SPIN1: variants seen among roughly 807,000 people sequenced by gnomAD.
SPIN1 encodes spindlin-1.
Under a neutral mutation model 26.0 loss-of-function variants are expected in SPIN1, and 3 were observed. The ratio of observed to expected loss-of-function variants is 0.12; its 90% CI spans 0.05 to 0.30. The LOEUF (loss-of-function observed/expected upper bound fraction) is 0.30. SPIN1 is among the 10% of genes least tolerant of loss of function. The pLI is 1.00. For synonymous variants in SPIN1, 101 were observed against 116.5 expected, an observed-to-expected ratio of 0.87 and a Z score of 0.86; for missense variants, 126 against 333.4, an observed-to-expected ratio of 0.38 and a Z score of 4.84.
At chr9:88,473,862 A>G (rs1401989267) in intron 5 of SPIN1, among the ~76,000 whole-genome samples, 2 of 152,218 alleles carry the variant, frequency 1.3e-5, no homozygotes, top group African/African-American at 4.8e-5. Context: ...AAAATATGGC[A>G]GTATGATGAT....
intron 1 of SPIN1, among the ~76,000 whole-genome samples, chr9:88,402,968 G>GT (rs1827222875): frequency 6.6e-6 from 1 of 152,014 alleles, no homozygotes; most frequent in Non-Finnish European, 1.5e-5. Context: ...ATCTTCTGTT[G>GT]TTTGTGTTTT....
At chr9:88,425,843 C>G (rs919880257) in intron 1 of SPIN1, among the ~76,000 whole-genome samples, 1 of 152,158 alleles carries the variant, frequency 6.6e-6, no homozygotes, top group African/African-American at 2.4e-5. Context: ...AATTCTTTCT[C>G]TTGCCCAAGA....
intron 2 of SPIN1, among the ~76,000 whole-genome samples, chr9:88,445,267 A>G (rs1194434354): frequency 6.6e-6 from 1 of 152,034 alleles, no homozygotes; most frequent in South Asian, 2.1e-4. Flanking sequence ...GACATGCTCC[A>G]GGAATGCTTC....
chr9:88,392,530 G>A (rs554629404), intron 1 of SPIN1, among the ~76,000 whole-genome samples: 2 of 151,990 alleles, frequency 1.3e-5, no homozygotes, highest in African/African-American at 4.8e-5. Flanking sequence ...AGAGGCCATC[G>A]GGGATTTCAA....
intron 1 of SPIN1, among the ~76,000 whole-genome samples, chr9:88,405,735 A>G (rs369165592): frequency 1.3e-5 from 2 of 151,826 alleles, no homozygotes; most frequent in African/African-American, 2.4e-5. Context: ...GACTTTGAAC[A>G]CAGTAGTTTT....
At position 88,462,583 on chromosome 9, in the gene SPIN1, A is replaced by G. The variant is rs889040136; in HGVS notation, c.189A>G (p.Lys63=). The G allele has an allele frequency of 1.2e-6, 2 of 1,614,034 alleles. No homozygotes were observed. The highest frequency in any genetic ancestry group is 1.7e-5 in the Admixed American group (1 of 59,994). The change falls in exon 4 of 6, where the codon AAA becomes AAG. Residue 63 remains lysine, a synonymous_variant. Transcript: ENST00000375859. ...IVGCRIQHGW[K]EGNGPVTQWK... ...GCTGCAGGATTCAGCATGGGTGGAA[A>G]GAGGGGAATGGCCCTGTTACCCAGT...
At chr9:88,436,999 T>G (rs979461208) in intron 2 of SPIN1, among the ~76,000 whole-genome samples, 15 of 151,934 alleles carry the variant, frequency 9.9e-5, no homozygotes, top group African/African-American at 3.4e-4. Flanking sequence ...TCTCCTGACC[T>G]CGTGATCCGC....
At chr9:88,465,207 A>G (rs1828641094) in intron 4 of SPIN1, among the ~76,000 whole-genome samples, 1 of 152,338 alleles carries the variant, frequency 6.6e-6, no homozygotes, top group African/African-American at 2.4e-5. Context: ...TGTACCATGT[A>G]AAATTGTGAA....
At chr9:88,433,833 G>A (rs1276311875) in intron 2 of SPIN1, among the ~76,000 whole-genome samples, 1 of 152,044 alleles carries the variant, frequency 6.6e-6, no homozygotes, top group Non-Finnish European at 1.5e-5. Context: ...GATACGGTAA[G>A]TCCTCACTTA....
intron 3 of SPIN1, among the ~76,000 whole-genome samples, chr9:88,449,768 C>G (rs1427171565): frequency 6.6e-6 from 1 of 152,168 alleles, no homozygotes; most frequent in African/African-American, 2.4e-5. Flanking sequence ...TTGTGAGACT[C>G]TTCTTAGTCA....
intron 1 of SPIN1, among the ~76,000 whole-genome samples, chr9:88,406,042 T>TAC (rs1827302898): frequency 6.9e-6 from 1 of 145,890 alleles, no homozygotes; most frequent in African/African-American, 2.5e-5. Flanking sequence ...TGTGTGTGTG[T>TAC]ACGTGTACGT....
At chr9:88,413,363 T>C (rs1012919049) in intron 1 of SPIN1, among the ~76,000 whole-genome samples, 2 of 151,180 alleles carry the variant, frequency 1.3e-5, no homozygotes, top group African/African-American at 4.9e-5. Flanking sequence ...TGTGAGCCAC[T>C]TCCCTGGCCA....
intron 2 of SPIN1, among the ~76,000 whole-genome samples, chr9:88,437,654 T>C (rs1387762735): frequency 6.6e-6 from 1 of 152,218 alleles, no homozygotes; most frequent in Non-Finnish European, 1.5e-5. Flanking sequence ...TTGCAAGAAA[T>C]TGCCAAACTG....
intron 3 of SPIN1, among the ~76,000 whole-genome samples, chr9:88,449,507 C>T (rs981676608): frequency 4.6e-5 from 7 of 152,128 alleles, no homozygotes; most frequent in African/African-American, 1.7e-4. Context: ...ATGCAATAGC[C>T]ATCTACGTAA....
chr9:88,441,398 C>CGTGTGTGTGTGTGTGTGTGTGTGT lies in SPIN1; in HGVS notation c.53-7526_53-7525insTGTGTGTGTGTGTGTGTGTGTGTG, dbSNP rs60571153. Among the ~76,000 whole-genome samples, 193 of 137,798 alleles carry CGTGTGTGTGTGTGTGTGTGTGTGT rather than the reference C, an allele frequency of 1.4e-3. 2 individuals carry two copies. Among genetic ancestry groups the CGTGTGTGTGTGTGTGTGTGTGTGT allele is most frequent in the Middle Eastern group, 7.5e-3 (2 of 268 alleles). 90.4% of individuals were successfully genotyped at this position (137,798 alleles called of 152,430 possible). On this transcript the variant is annotated intron_variant, in intron 2 of 5. Coordinates refer to ENST00000375859, the MANE Select transcript of SPIN1 (RefSeq NM_006717.3). Reference sequence around the variant, plus strand: ...TGGTTGTATCATCATTGCTGCCATTCGTGTGTGTGTGTGTGTGCGCGCGCG... The same window carrying CGTGTGTGTGTGTGTGTGTGTGTGT: ...TGGTTGTATCATCATTGCTGCCATTCGTGTGTGTGTGTGTGTGTGTGTGTGTGTGTGTGTGTGTGTGCGCGCGCG...
At chr9:88,412,582 C>A (rs1056007879) in intron 1 of SPIN1, among the ~76,000 whole-genome samples, 1 of 152,120 alleles carries the variant, frequency 6.6e-6, no homozygotes, top group African/African-American at 2.4e-5. Flanking sequence ...ATCTTCTGAA[C>A]ACAGTGAATG....
chr9:88,465,416 A>G (rs1476076098), intron 4 of SPIN1, among the ~76,000 whole-genome samples: 1 of 152,208 alleles, frequency 6.6e-6, no homozygotes, highest in African/African-American at 2.4e-5. Flanking sequence ...TCCTACCTAC[A>G]GTATACAAGG....
At chr9:88,474,414 ATCC>A (rs970848011) in intron 5 of SPIN1, among the ~76,000 whole-genome samples, 3 of 152,182 alleles carry the variant, frequency 2.0e-5, no homozygotes, top group African/African-American at 7.2e-5. Context: ...TGCCTGTGCC[ATCC>A]TCAGAGATTC....
At chr9:88,439,019 A>G (rs550959159) in intron 2 of SPIN1, among the ~76,000 whole-genome samples, 141 of 152,278 alleles carry the variant, frequency 9.3e-4, no homozygotes, top group Non-Finnish European at 1.5e-3. Flanking sequence ...CTCATTCCTA[A>G]GGACCCACTT....
Sources: allele counts gnomAD v4.1 joint callset (sites outside exome capture counted in the v4.1 genomes callset), GRCh38; gene constraint gnomAD v4.1.1; transcripts MANE v1.5; gene names NCBI Gene and HGNC (gene_info 2026-07-23, HGNC 2026-07-21).